ANK3: variants seen among roughly 807,000 people sequenced by gnomAD.
ANK3 encodes the protein ankyrin 3.
A neutral mutation model predicts 370.9 loss-of-function variants in ANK3; 57 were observed. The ratio of observed to expected loss-of-function variants is 0.15; its 90% confidence interval spans 0.12 to 0.19. ANK3 has a LOEUF of 0.19. ANK3 is among the 10% of genes least tolerant of loss of function. The probability of loss-of-function intolerance (pLI) is 1.00; values close to 1 mark genes in which losing one functional copy is unlikely to be tolerated. For synonymous variants in ANK3, 1,929 were observed against 1,946.3 expected, an observed-to-expected ratio of 0.99 and a Z score of 0.23; for missense variants, 4,439 against 5,302.1, an observed-to-expected ratio of 0.84 and a Z score of 5.06.
At chr10:60,213,833 G>A (rs2096893615) in intron 8 of ANK3, among the ~76,000 whole-genome samples, 1 of 151,954 alleles carries the variant, frequency 6.6e-6, no homozygotes, top group Non-Finnish European at 1.5e-5. Flanking sequence ...AAAAACACAT[G>A]AATAAACTCT....
intron 25 of ANK3, among the ~76,000 whole-genome samples, chr10:60,122,741 T>C (rs1379025663): frequency 6.6e-6 from 1 of 152,236 alleles, no homozygotes; most frequent in Non-Finnish European, 1.5e-5. Flanking sequence ...TCTATACTTT[T>C]CAAAAGACTT....
intron 1 of ANK3, among the ~76,000 whole-genome samples, chr10:60,721,529 T>G (rs535268320): frequency 1.3e-5 from 2 of 152,326 alleles, no homozygotes; most frequent in South Asian, 2.1e-4. Flanking sequence ...TAAAAGGTTT[T>G]TAAACAGAGG....
intron 28 of ANK3, among the ~76,000 whole-genome samples, chr10:60,093,836 G>A (rs2089382317): frequency 6.6e-6 from 1 of 152,160 alleles, no homozygotes; most frequent in African/African-American, 2.4e-5. Flanking sequence ...GCTCCGAGGA[G>A]AAGCGATCAG....
At chr10:60,300,573 G>T in intron 1 of ANK3, 1 of 1,170,940 alleles carries the variant, frequency 8.5e-7, no homozygotes, top group South Asian at 1.7e-5. Flanking sequence ...AAACAGCATA[G>T]TACCTCCCAG....
At chr10:60,129,933 T>A (rs557690191) in intron 25 of ANK3, among the ~76,000 whole-genome samples, 1 of 152,336 alleles carries the variant, frequency 6.6e-6, no homozygotes, top group Non-Finnish European at 1.5e-5. Context: ...AATTCTTTCA[T>A]GTTTTCTGAT....
intron 36 of ANK3, among the ~76,000 whole-genome samples, chr10:60,079,034 T>C (rs1303794878): frequency 6.6e-6 from 1 of 152,152 alleles, no homozygotes. Context: ...GGCTGGTCCA[T>C]TGAGCCTGTC....
At chr10:60,652,298 T>G (rs775957493) in intron 1 of ANK3, among the ~76,000 whole-genome samples, 21 of 151,954 alleles carry the variant, frequency 1.4e-4, no homozygotes, top group Non-Finnish European at 2.8e-4. Flanking sequence ...GCTACTCAGG[T>G]GGCTGAGCTA....
chr10:60,377,840 C>T (rs906064772), intron 1 of ANK3, among the ~76,000 whole-genome samples: 2 of 152,062 alleles, frequency 1.3e-5, no homozygotes, highest in South Asian at 4.1e-4. Context: ...CAGCAAAATG[C>T]GAATAATGTC....
chr10:60,317,024 GCGTGAGCCAC>G (rs1450284738), intron 1 of ANK3, among the ~76,000 whole-genome samples: 2 of 152,192 alleles, frequency 1.3e-5, no homozygotes, highest in African/African-American at 4.8e-5. Context: ...GGGATTACAG[GCGTGAGCCAC>G]CGTGCCTGGC....
intron 1 of ANK3, among the ~76,000 whole-genome samples, chr10:60,355,388 T>A (rs1404862820): frequency 6.6e-6 from 1 of 152,210 alleles, no homozygotes; most frequent in Non-Finnish European, 1.5e-5. Flanking sequence ...AGTTTAGCTT[T>A]TGTGCCACTG....
rs751440500 is a variant in ANK3 at position 60,071,659 on chromosome 10, C to T, written c.9222G>A (p.Leu3074=). 1.2e-5 allele frequency: 20 copies of T among 1,607,364 alleles called. No homozygotes were observed. The highest frequency in any genetic ancestry group is 1.7e-4 in the Middle Eastern group (1 of 6,032). The stretch of plus-strand genomic sequence containing the variant: ...TCTGGGCTAGTGGTGCGAGTTTTTC[C>T]AATCCATCAATGGGACTGTGGTCGA... ...DVFDHSPIDG[L]EKLAPLAQTE... is the part of the protein sequence containing the mutation. Residue 3074 remains leucine (L), a synonymous_variant, in exon 37 of 44, where the codon TTG becomes TTA. Coordinates refer to ENST00000280772, the MANE Select transcript of ANK3 (RefSeq NM_020987.5).
intron 8 of ANK3, among the ~76,000 whole-genome samples, chr10:60,218,089 TTTTC>T (rs1350991150): frequency 3.7e-5 from 5 of 136,388 alleles, no homozygotes; most frequent in African/African-American, 1.2e-4. Context: ...TGCTTTTTCT[TTTTC>T]TTTCTTTTTT....
chr10:60,717,540 T>C (rs1032424707), intron 1 of ANK3, among the ~76,000 whole-genome samples: 19 of 152,226 alleles, frequency 1.2e-4, no homozygotes, highest in African/African-American at 4.1e-4. Context: ...TGTGAAATCT[T>C]AAAGCATAAT....
At chr10:60,598,226 T>G (rs942574584) in intron 2 of ANK3, among the ~76,000 whole-genome samples, 1 of 152,220 alleles carries the variant, frequency 6.6e-6, no homozygotes, top group Non-Finnish European at 1.5e-5. Flanking sequence ...GCCCTAATAA[T>G]CAGACAAGAG....
chr10:60,697,869 A>T (rs968448270), intron 1 of ANK3, among the ~76,000 whole-genome samples: 3 of 151,724 alleles, frequency 2.0e-5, no homozygotes, highest in South Asian at 4.2e-4. Flanking sequence ...CTAAAACACC[A>T]AAAGCAATGG....
intron 28 of ANK3, among the ~76,000 whole-genome samples, chr10:60,102,055 G>A (rs1057139115): frequency 2.6e-5 from 4 of 151,582 alleles, no homozygotes; most frequent in African/African-American, 9.7e-5. Flanking sequence ...GATGTTGAGT[G>A]TGTGTCATCA....
Position 60,270,228 on chromosome 10 carries a change from T to C in ANK3, c.416A>G (p.Asn139Ser). Reference sequence around the variant, plus strand: ...TGCCATATACAATGGCGTGAAACCATTCTGCAAAATAAGAAAAAAAATGTT... The same window carrying C: ...TGCCATATACAATGGCGTGAAACCACTCTGCAAAATAAGAAAAAAAATGTT... ...NGANVNAQSQ[N>S]GFTPLYMAAQ... Residue 139 changes from asparagine to serine, a missense_variant and splice_region_variant, in exon 5 of 44, where the codon AAT (asparagine) becomes AGT (serine). This residue lies in a region of ANK3 where 136 missense variants were observed against 230.5 expected (regional missense o/e 0.59). Coordinates refer to ENST00000280772, the MANE Select transcript of ANK3 (RefSeq NM_020987.5). The C allele has an allele frequency of 1.3e-6, 2 of 1,573,400 alleles. No individual in the cohort carries two copies. Among genetic ancestry groups the C allele is most frequent in the South Asian group, 1.2e-5 (1 of 84,128 alleles).
At chr10:60,320,930 GCT>G (rs1332716883) in intron 1 of ANK3, among the ~76,000 whole-genome samples, 2 of 152,104 alleles carry the variant, frequency 1.3e-5, no homozygotes, top group Admixed American at 1.3e-4. Flanking sequence ...CTCCCAGCAA[GCT>G]CTGTCACTAA....
At chr10:60,611,501 A>G in intron 2 of ANK3, among the ~76,000 whole-genome samples, 1 of 152,056 alleles carries the variant, frequency 6.6e-6, no homozygotes, top group South Asian at 2.1e-4. Context: ...CAAGCAACCA[A>G]AATCACCCAC....
Sources: allele counts gnomAD v4.1 joint callset (sites outside exome capture counted in the v4.1 genomes callset), GRCh38; gene constraint gnomAD v4.1.1; regional missense constraint gnomAD v4.1.1; transcripts MANE v1.5; gene names NCBI Gene and HGNC (gene_info 2026-07-23, HGNC 2026-07-21).